The following CTNNA2 variants were observed in gnomAD, a reference collection of about 807,000 sequenced individuals.
CTNNA2 encodes catenin alpha-2.
CTNNA2 carries 42 observed loss-of-function variants against 101.0 expected under a neutral mutation model. That is an observed-to-expected ratio of 0.42 (90% confidence interval 0.32 to 0.54). The LOEUF (loss-of-function observed/expected upper bound fraction) is 0.54, where lower values mean the gene tolerates loss of function less well. Ranked by LOEUF, CTNNA2 falls within the 20% of genes least tolerant of loss-of-function variation. The pLI is 0.14. For synonymous variants in CTNNA2, 450 were observed against 456.4 expected (o/e 0.99, Z 0.18); for missense variants, 871 against 1,223.1 (o/e 0.71, Z 4.29).
At chr2:79,972,838 A>G (rs1281605128) in intron 7 of CTNNA2, among the ~76,000 whole-genome samples, 1 of 152,170 alleles carries the variant, frequency 6.6e-6, no homozygotes, top group African/African-American at 2.4e-5. Context: ...TAGTTTGGCA[A>G]TACTGTTAGT....
intron 3 of CTNNA2, among the ~76,000 whole-genome samples, chr2:79,334,120 A>G (rs1676937668): frequency 1.3e-5 from 2 of 152,156 alleles, no homozygotes; most frequent in Non-Finnish European, 2.9e-5. Flanking sequence ...CTATTTGAAA[A>G]TATACATTAA....
chr2:80,088,780 A>G (rs866756704), intron 7 of CTNNA2, among the ~76,000 whole-genome samples: 7 of 152,080 alleles, frequency 4.6e-5, no homozygotes, highest in Non-Finnish European at 1.0e-4. Context: ...GTCACTTGGG[A>G]CACTTTATCT....
At chr2:80,069,554 T>A (rs1698193679) in intron 7 of CTNNA2, among the ~76,000 whole-genome samples, 1 of 152,172 alleles carries the variant, frequency 6.6e-6, no homozygotes, top group African/African-American at 2.4e-5. Flanking sequence ...GAAGGTGAAA[T>A]CTTTGTCTGA....
intron 2 of CTNNA2, among the ~76,000 whole-genome samples, chr2:79,695,379 G>A (rs1684591667): frequency 6.6e-6 from 1 of 151,942 alleles, no homozygotes; most frequent in Non-Finnish European, 1.5e-5. Flanking sequence ...ATCCTGACAG[G>A]CTGGTAAGCC....
chr2:79,948,122 A>G lies in CTNNA2; in HGVS notation c.1056+38325A>G, dbSNP rs1461509189. ...GTGCTAGGTGAATAAAAGGAAGAGG[A>G]CTTATAGTTATTTCCATAGCCATTA... On this transcript the variant is annotated intron_variant, in intron 7 of 18. Coordinates refer to ENST00000402739, the MANE Select transcript of CTNNA2 (RefSeq NM_001282597.3). Among the ~76,000 whole-genome samples, 4 of 152,206 alleles carry G rather than the reference A, an allele frequency of 2.6e-5. No individual in the cohort carries two copies. In the East Asian group the frequency reaches 7.7e-4, roughly 29 times the overall value.
intron 7 of CTNNA2, among the ~76,000 whole-genome samples, chr2:80,359,923 C>T (rs2149314798): frequency 6.6e-6 from 1 of 152,194 alleles, no homozygotes; most frequent in Middle Eastern, 3.4e-3. Context: ...ACCAGAAACA[C>T]AAGCTATTGT....
intron 9 of CTNNA2, among the ~76,000 whole-genome samples, chr2:80,523,612 C>T (rs985824462): frequency 2.0e-5 from 3 of 152,182 alleles, no homozygotes; most frequent in East Asian, 3.9e-4. Flanking sequence ...CTGGGCTCTA[C>T]AGCGAGCTCG....
At chr2:79,928,313 A>T (rs1687166704) in intron 7 of CTNNA2, among the ~76,000 whole-genome samples, 1 of 152,134 alleles carries the variant, frequency 6.6e-6, no homozygotes, top group African/African-American at 2.4e-5. Flanking sequence ...TCTATTATTC[A>T]ACTGTGTTCA....
intron 3 of CTNNA2, among the ~76,000 whole-genome samples, chr2:79,826,997 AT>A (rs1349713323): frequency 1.3e-5 from 2 of 152,060 alleles, no homozygotes; most frequent in Non-Finnish European, 2.9e-5. Flanking sequence ...AGGAAATTAT[AT>A]TTTTCAAGCA....
intron 7 of CTNNA2, among the ~76,000 whole-genome samples, chr2:80,012,888 G>A (rs1693885771): frequency 6.6e-6 from 1 of 152,182 alleles, no homozygotes; most frequent in African/African-American, 2.4e-5. Context: ...TTCTCGACGA[G>A]GCACAGTGGC....
intron 1 of CTNNA2, among the ~76,000 whole-genome samples, chr2:79,516,987 T>C (rs1671842294): frequency 6.6e-6 from 1 of 152,164 alleles, no homozygotes; most frequent in Admixed American, 6.5e-5. Context: ...AAAGCCCCTT[T>C]TCATTGGTGT....
intron 4 of CTNNA2, among the ~76,000 whole-genome samples, chr2:79,466,928 A>G (rs929807969): frequency 1.3e-5 from 2 of 152,236 alleles, no homozygotes; most frequent in African/African-American, 4.8e-5. Flanking sequence ...AGATGGGGAA[A>G]AAACAGAGCA....
In CTNNA2 at chr2:80,283,054, G is replaced by A. The variant is rs1056156511; in HGVS notation, c.1057-110157G>A. On this transcript the variant is annotated intron_variant, in intron 7 of 18. Transcript: ENST00000402739. ...TTAAATTAAAGAAGGCAGAATTTTGGAGATTGAGGGTGACATTTAAAAAGT... is the reference window on the plus strand; with the variant it reads ...TTAAATTAAAGAAGGCAGAATTTTGAAGATTGAGGGTGACATTTAAAAAGT... Among the ~76,000 whole-genome samples the A allele has an allele frequency of 1.3e-5, 2 of 152,218 alleles. 1 individual carries two copies. The highest frequency in any genetic ancestry group is 4.2e-4 in the South Asian group (2 of 4,818).
intron 1 of CTNNA2, among the ~76,000 whole-genome samples, chr2:79,616,208 T>C (rs1678605257): frequency 6.6e-6 from 1 of 152,198 alleles, no homozygotes; most frequent in Non-Finnish European, 1.5e-5. Flanking sequence ...AATTATTGGC[T>C]TGTAAGTGTA....
chr2:80,116,130 A>G (rs72924702), intron 7 of CTNNA2, among the ~76,000 whole-genome samples: 15,232 of 152,094 alleles, frequency 0.1, 922 homozygotes, highest in South Asian at 0.31. Context: ...CTCTGTTGCA[A>G]TTCCTCAGCA....
intron 12 of CTNNA2, among the ~76,000 whole-genome samples, chr2:80,563,907 C>T (rs1178129018): frequency 6.6e-6 from 1 of 152,132 alleles, no homozygotes. Context: ...TTATATCTGT[C>T]TTCTGTCCAT....
chr2:80,413,667 C>T (rs770194158), intron 8 of CTNNA2, among the ~76,000 whole-genome samples: 2 of 152,158 alleles, frequency 1.3e-5, no homozygotes, highest in African/African-American at 4.8e-5. Context: ...ACTTGTCAAG[C>T]CCCCTAGGCT....
At chr2:80,381,137 G>A (rs865940381) in intron 7 of CTNNA2, among the ~76,000 whole-genome samples, 3 of 151,980 alleles carry the variant, frequency 2.0e-5, no homozygotes, top group Middle Eastern at 3.4e-3. Context: ...TTGCACCTTC[G>A]TGTTCAGGAG....
intron 7 of CTNNA2, chr2:80,162,947 G>A (rs890942480): frequency 6.5e-7 from 1 of 1,539,778 alleles, no homozygotes; most frequent in Non-Finnish European, 9.0e-7. Flanking sequence ...CATGATATTG[G>A]GGATATGGCA....
Sources: allele counts gnomAD v4.1 joint callset (sites outside exome capture counted in the v4.1 genomes callset), GRCh38; gene constraint gnomAD v4.1.1; transcripts MANE v1.5; gene names NCBI Gene and HGNC (gene_info 2026-07-23, HGNC 2026-07-21).